The following CPXM2 variants were observed in gnomAD, a reference collection of about 807,000 sequenced individuals.
CPXM2 encodes the protein inactive carboxypeptidase-like protein X2.
Under a neutral mutation model 86.1 loss-of-function variants are expected in CPXM2, and 66 were observed. The observed-to-expected ratio is 0.77, with a 90% CI of 0.63 to 0.94. The LOEUF is 0.94. Among genes scored for constraint, CPXM2 ranks in the 40% least tolerant of loss-of-function variants. The pLI is 0.00. For synonymous variants in CPXM2, 388 were observed against 400.2 expected, an observed-to-expected ratio of 0.97 and a Z score of 0.36; for missense variants, 948 against 1,026.3, an observed-to-expected ratio of 0.92 and a Z score of 1.04.
intron 1 of CPXM2, among the ~76,000 whole-genome samples, chr10:123,882,790 C>G (rs567086491): frequency 3.7e-4 from 56 of 149,412 alleles, no homozygotes; most frequent in African/African-American, 1.3e-3. Context: ...AACCCCCCCC[C>G]ACCATAACAC....
At chr10:123,775,313 C>A (rs1362795555) in intron 7 of CPXM2, among the ~76,000 whole-genome samples, 3 of 152,216 alleles carry the variant, frequency 2.0e-5, no homozygotes, top group African/African-American at 7.2e-5. Context: ...TCGACCTTAG[C>A]AAATCCTAAC....
intron 13 of CPXM2, among the ~76,000 whole-genome samples, chr10:123,753,182 C>A (rs140468719): frequency 2.0e-5 from 3 of 152,198 alleles, no homozygotes; most frequent in African/African-American, 7.2e-5. Context: ...TGATGACCCC[C>A]GTGTAGTGTC....
chr10:123,940,882 T>C (rs759376764), upstream of CPXM2, among the ~76,000 whole-genome samples: 2 of 151,966 alleles, frequency 1.3e-5, no homozygotes, highest in Non-Finnish European at 2.9e-5. Context: ...CTTAAAACAA[T>C]GGAAATGGGC....
chr10:123,920,139 A>G (rs1385566541), intron 2 of CPXM2, among the ~76,000 whole-genome samples: 1 of 152,198 alleles, frequency 6.6e-6, no homozygotes. Flanking sequence ...ATCAATAGAA[A>G]TTACCCAGTG....
intron 1 of CPXM2, among the ~76,000 whole-genome samples, chr10:123,880,579 C>A (rs1590095775): frequency 1.3e-5 from 2 of 152,094 alleles, no homozygotes; most frequent in African/African-American, 4.8e-5. Context: ...CCTGTAATCC[C>A]AGCACTTTGG....
rs146084053 is a variant in CPXM2, at chr10:123,828,283, T to C, written c.653+14066A>G. ...ATCTGATGGTGGAAGGATAGATCTT[T>C]TCAACAATTGGTACTGAAGCAATTA... is the stretch of plus-strand genomic sequence containing the variant. On this transcript the variant is annotated intron_variant, in intron 4 of 13. Coordinates refer to ENST00000241305, the MANE Select transcript of CPXM2 (RefSeq NM_198148.3). 4.6e-5 allele frequency among the ~76,000 whole-genome samples: 7 copies of C among 152,332 alleles called. No homozygotes were observed. In the East Asian group the frequency reaches 1.3e-3, roughly 29 times the overall value.
chr10:123,806,662 G>A (rs1419963831), intron 4 of CPXM2, among the ~76,000 whole-genome samples: 1 of 152,126 alleles, frequency 6.6e-6, no homozygotes, highest in East Asian at 1.9e-4. Flanking sequence ...TCACAGTTCT[G>A]CATGGCTGGG....
intron 6 of CPXM2, among the ~76,000 whole-genome samples, chr10:123,794,875 T>C (rs538336800): frequency 6.6e-6 from 1 of 152,048 alleles, no homozygotes; most frequent in South Asian, 2.1e-4. Context: ...GCTCAGGTGA[T>C]TCTTGTGCCT....
chr10:123,827,104 C>G (rs763505258), intron 4 of CPXM2, among the ~76,000 whole-genome samples: 1 of 152,162 alleles, frequency 6.6e-6, no homozygotes, highest in Non-Finnish European at 1.5e-5. Context: ...CACAGAAACT[C>G]TCCCTATTTT....
At chr10:123,862,862 G>A in intron 2 of CPXM2, 139 bp from the exon 3 acceptor site, 1 of 707,518 alleles carries the variant, frequency 1.4e-6, no homozygotes, top group Non-Finnish European at 2.5e-6. Flanking sequence ...TCCAGACACG[G>A]TTGATTGAAC....
At position 123,757,263 on chromosome 10, in the gene CPXM2, G is replaced by A; in HGVS notation, c.1867C>T (p.Pro623Ser). Reference sequence around the variant, plus strand: ...TCCCGGTTATTCTCCCACTCCTCGGGCAGCTGGCTCTCATGTGGGTATTTA... The same window carrying A: ...TCCCGGTTATTCTCCCACTCCTCGGACAGCTGGCTCTCATGTGGGTATTTA... ...CDKYPHESQLPEEWENNRESL... is the reference protein window; with the variant it reads ...CDKYPHESQLSEEWENNRESL... The change falls in exon 12 of 14, where the codon CCC becomes TCC. Residue 623 changes from proline to serine, a missense_variant. Coordinates refer to ENST00000241305, the MANE Select transcript of CPXM2 (RefSeq NM_198148.3). The A allele has an allele frequency of 6.2e-7, 1 of 1,613,874 alleles. No individual in the cohort carries two copies. Among genetic ancestry groups the A allele is most frequent in the Middle Eastern group, 1.6e-4 (1 of 6,062 alleles).
chr10:123,804,178 T>C (rs1224408670), intron 4 of CPXM2, among the ~76,000 whole-genome samples: 2 of 152,216 alleles, frequency 1.3e-5, no homozygotes, highest in Non-Finnish European at 1.5e-5. Context: ...TTATATCTGA[T>C]AGTATATGTT....
chr10:123,757,062 T>G (rs987211357), intron 12 of CPXM2, 151 bp downstream of exon 12: 11 of 693,902 alleles, frequency 1.6e-5, no homozygotes, highest in Admixed American at 2.4e-5. Context: ...CCTGCTCAAG[T>G]GTCAACACAC....
intron 1 of CPXM2, among the ~76,000 whole-genome samples, chr10:123,882,407 C>G (rs61861910): frequency 6.6e-6 from 1 of 152,164 alleles, no homozygotes; most frequent in East Asian, 1.9e-4. Flanking sequence ...GTGGGAAAAC[C>G]GTGGAAGAAG....
At chr10:123,937,469 CAACA>C (rs1564826843) in intron 2 of CPXM2, among the ~76,000 whole-genome samples, 2 of 77,416 alleles carry the variant, frequency 2.6e-5, no homozygotes. Context: ...GACAACAAAA[CAACA>C]CACACACACA....
chr10:123,751,758 T>G, intron 13 of CPXM2: 3 of 985,402 alleles, frequency 3.0e-6, no homozygotes, highest in Non-Finnish European at 3.6e-6. Flanking sequence ...CAAGGCAAAT[T>G]CAGAGCTTTT....
At chr10:123,869,917 T>C (rs1349069248) in intron 2 of CPXM2, among the ~76,000 whole-genome samples, 2 of 152,276 alleles carry the variant, frequency 1.3e-5, no homozygotes, top group South Asian at 2.1e-4. Context: ...GAATACAGCA[T>C]ATAAATAAGA....
intron 4 of CPXM2, among the ~76,000 whole-genome samples, chr10:123,812,617 C>G (rs1431190134): frequency 6.6e-6 from 1 of 152,180 alleles, no homozygotes; most frequent in Admixed American, 6.5e-5. Context: ...CTGTTAGGAA[C>G]TGGGCCACAC....
intron 4 of CPXM2, among the ~76,000 whole-genome samples, chr10:123,804,584 T>C (rs1057405589): frequency 5.9e-5 from 9 of 152,194 alleles, no homozygotes; most frequent in Non-Finnish European, 1.5e-5. Flanking sequence ...TTTAATTAGG[T>C]CCAATAGTTT....
Sources: allele counts gnomAD v4.1 joint callset (sites outside exome capture counted in the v4.1 genomes callset), GRCh38; gene constraint gnomAD v4.1.1; transcripts MANE v1.5; gene names NCBI Gene and HGNC (gene_info 2026-07-23, HGNC 2026-07-21).